ABCC2: variants seen among roughly 807,000 people sequenced by gnomAD.
ABCC2 encodes the protein ATP-binding cassette sub-family C member 2.
In ABCC2, 157 loss-of-function variants were observed where a neutral mutation model predicts 173.4. That is an observed-to-expected ratio of 0.91 (90% CI 0.80 to 1.03). ABCC2 has a LOEUF of 1.03. Among genes scored for constraint, ABCC2 ranks in the 50% least tolerant of loss-of-function variants. The pLI, the probability that ABCC2 is intolerant of heterozygous loss-of-function variation, is 0.00. For synonymous variants in ABCC2, 657 were observed against 693.5 expected, an observed-to-expected ratio of 0.95 and a Z score of 0.83; for missense variants, 1,822 against 1,852.3, an observed-to-expected ratio of 0.98 and a Z score of 0.30.
At position 99,832,059 on chromosome 10, in the gene ABCC2, C is replaced by G. The variant is rs763216683; in HGVS notation, c.3186C>G (p.Asn1062Lys). The change falls in exon 23 of 32, where the codon AAC becomes AAG. Residue 1062 changes from asparagine to lysine, a missense_variant. Coordinates refer to ENST00000647814, the MANE Select transcript of ABCC2 (RefSeq NM_000392.5). ...ASNILHKQLL[N>K]NILRAPMRFF... ...ATATCTTGCACAAGCAACTGCTGAA[C>G]AATATCCTTCGAGCACCTATGAGAT... 1 of 1,614,226 alleles carries G rather than the reference C, an allele frequency of 6.2e-7. No homozygotes were observed. The highest frequency in any genetic ancestry group is 8.5e-7 in the Non-Finnish European group (1 of 1,180,026).
Position 99,834,527 on chromosome 10 carries a change from TC to T in ABCC2, c.3407del (p.Ser1136LeufsTer13). On this transcript the variant is annotated frameshift_variant, in exon 24 of 32. Transcript: ENST00000647814. LOFTEE classifies it high-confidence loss of function. ...CATTCCTCTTGGCATTATTTATGTA[TC>T]TGTTCAGGTAGGTTTGGAAATGGCT... ...IVIPLGIIYV[S>X]VQMFYVSTSR... 1 of 1,614,192 alleles carries T rather than the reference TC, an allele frequency of 6.2e-7. No homozygotes were observed. The highest frequency in any genetic ancestry group is 8.5e-7 in the Non-Finnish European group (1 of 1,180,028).
intron 19 of ABCC2, among the ~76,000 whole-genome samples, chr10:99,824,048 G>A (rs2133093781): frequency 7.0e-6 from 1 of 143,502 alleles, no homozygotes; most frequent in Admixed American, 7.0e-5. Context: ...GTTGGAGTGG[G>A]GCTAAGGGAT....
At chr10:99,812,186 T>A (rs1197547289) in intron 15 of ABCC2, among the ~76,000 whole-genome samples, 1 of 152,178 alleles carries the variant, frequency 6.6e-6, no homozygotes, top group East Asian at 1.9e-4. Flanking sequence ...TTCCCACTCC[T>A]CTATCTTGTT....
At chr10:99,841,939 C>G (rs758774779) in intron 25 of ABCC2, 28 bp from the exon 26 acceptor site, 4 of 1,614,098 alleles carry the variant, frequency 2.5e-6, no homozygotes, top group Non-Finnish European at 3.4e-6. Context: ...ATCAGTGACA[C>G]GCACTCTCTG....
chr10:99,794,604 G>A (rs1477231893), intron 6 of ABCC2, 136 bp downstream of exon 6: 44 of 831,830 alleles, frequency 5.3e-5, no homozygotes, highest in South Asian at 4.3e-4. Context: ...GAGTGCAATG[G>A]TGTGATCTTG....
intron 2 of ABCC2, among the ~76,000 whole-genome samples, chr10:99,788,231 G>A (rs970081336): frequency 5.3e-5 from 8 of 152,038 alleles, no homozygotes; most frequent in African/African-American, 1.2e-4. Flanking sequence ...AAATGCTAGC[G>A]TCCCATATGT....
chr10:99,800,522 G>A lies in ABCC2; in HGVS notation c.1168G>A (p.Val390Ile), dbSNP rs1465495557. 1.9e-6 allele frequency: 3 copies of A among 1,614,180 alleles called. No individual in the cohort carries two copies. The highest frequency in any genetic ancestry group is 2.5e-6 in the Non-Finnish European group (3 of 1,180,036). The change falls in exon 9 of 32, where the codon GTA becomes ATA. Residue 390 changes from valine (V) to isoleucine (I), a missense_variant. Transcript: ENST00000647814. ...CYFQLCFKLGVKVRTAIMASV... is the reference protein window; with the variant it reads ...CYFQLCFKLGIKVRTAIMASV... ...TTTCCAACTGTGCTTCAAGCTGGGT[G>A]TAAAAGTACGGACAGCTATCATGGC... is the stretch of plus-strand genomic sequence containing the variant.
chr10:99,794,463 T>A lies in ABCC2; in HGVS notation c.627T>A (p.Tyr209Ter), dbSNP rs770512658. ...TGAGTAGCATTACCTACAGCTGGTA[T>A]GACAGGTAGGAAAGCCTGGAGTATG... Reference protein sequence around the residue: ...SFLSSITYSWYDSIILKGYKR... With the variant: ...SFLSSITYSW Residue 209 changes from tyrosine (Y) to a stop codon, truncating the protein, a stop_gained, in exon 6 of 32, where the codon TAT (tyrosine) becomes TAA (stop). Transcript: ENST00000647814. LOFTEE classifies it high-confidence loss of function. 5 of 1,613,320 alleles carry A rather than the reference T, an allele frequency of 3.1e-6. No homozygotes were observed. Among genetic ancestry groups the A allele is most frequent in the Non-Finnish European group, 4.2e-6 (5 of 1,179,258 alleles).
At chr10:99,801,743 T>C (rs977540202) in intron 9 of ABCC2, among the ~76,000 whole-genome samples, 13 of 152,346 alleles carry the variant, frequency 8.5e-5, no homozygotes, top group African/African-American at 3.1e-4. Flanking sequence ...TTTCTTCCTT[T>C]TTTTCTTCCA....
intron 14 of ABCC2, among the ~76,000 whole-genome samples, chr10:99,810,521 G>C (rs1310683883): frequency 1.3e-5 from 2 of 152,188 alleles, no homozygotes; most frequent in Non-Finnish European, 2.9e-5. Context: ...AGGTAGCCTG[G>C]AGTGAAAGAA....
In ABCC2 at chr10:99,835,809, G is replaced by A. The variant is rs577287038; in HGVS notation, c.3415-282G>A. Among the ~76,000 whole-genome samples, 3 of 152,258 alleles carry A rather than the reference G, an allele frequency of 2.0e-5. No individual in the cohort carries two copies. The South Asian group carries it at 6.2e-4, about 32-fold the overall frequency. On this transcript the variant is annotated intron_variant, in intron 24 of 31. Coordinates refer to ENST00000647814, the MANE Select transcript of ABCC2 (RefSeq NM_000392.5). ...TCTGGGGGATATGGGTTAGGCTGAC[G>A]GAACTCCTTAGGAGGTTTGGAGACT... is the stretch of plus-strand genomic sequence containing the variant.
chr10:99,808,501 T>G (rs1262780893), intron 13 of ABCC2, among the ~76,000 whole-genome samples: 1 of 152,160 alleles, frequency 6.6e-6, no homozygotes, highest in Admixed American at 6.5e-5. Context: ...GATTATTATG[T>G]TTAGTCCTAG....
chr10:99,830,372 G>A lies in ABCC2; in HGVS notation c.2686G>A (p.Glu896Lys), dbSNP rs377107178. Reference protein sequence around the residue: ...GLISSVEEIPEDAASITMRRE... With the variant: ...GLISSVEEIPKDAASITMRRE... ...GATATCCAGTGTGGAAGAGATCCCCGAAGATGCAGCCTCCATAACCATGAG... is the reference window on the plus strand; with the variant it reads ...GATATCCAGTGTGGAAGAGATCCCCAAAGATGCAGCCTCCATAACCATGAG... The change falls in exon 20 of 32, where the codon GAA (glutamate) becomes AAA (lysine). Residue 896 changes from glutamate (E) to lysine (K), a missense_variant. Transcript: ENST00000647814. The A allele has an allele frequency of 3.8e-5, 61 of 1,614,144 alleles. 1 individual carries two copies. In the Middle Eastern group the frequency reaches 4.9e-4, roughly 13 times the overall value.
Position 99,845,605 on chromosome 10 carries a change from A to G in ABCC2, c.3988-19A>G, listed in dbSNP as rs1317132003. ...AGAATTATTTGTGGAACTAATGTGT[A>G]AGGGAACTATATTCGCAGATTGGTG... On this transcript the variant is annotated intron_variant, in intron 28 of 31. Transcript: ENST00000647814. 2.5e-6 allele frequency: 4 copies of G among 1,613,878 alleles called. No individual in the cohort carries two copies. The highest frequency in any genetic ancestry group is 2.2e-5 in the South Asian group (2 of 91,088).
intron 14 of ABCC2, among the ~76,000 whole-genome samples, chr10:99,811,319 G>C (rs921117552): frequency 6.6e-6 from 1 of 150,380 alleles, no homozygotes; most frequent in African/African-American, 2.5e-5. Context: ...GACAAAGTGA[G>C]ACCATGACTC....
At chr10:99,845,869 C>G in intron 29 of ABCC2, 87 bp downstream of exon 29, 1 of 1,401,450 alleles carries the variant, frequency 7.1e-7, no homozygotes, top group Admixed American at 2.0e-5. Flanking sequence ...GATGTCTGTT[C>G]AGTCAGCACT....
At chr10:99,797,076 T>G in intron 6 of ABCC2, 21 bp from the exon 7 acceptor site, 3 of 1,611,418 alleles carry the variant, frequency 1.9e-6, no homozygotes, top group Non-Finnish European at 2.5e-6. Context: ...GGTCTCAGCC[T>G]GTGGTTCGCT....
chr10:99,836,131 A>G lies in ABCC2; in HGVS notation c.3455A>G (p.Asp1152Gly), dbSNP rs964875560. The G allele has an allele frequency of 6.2e-7, 1 of 1,613,986 alleles. No individual in the cohort carries two copies. The highest frequency in any genetic ancestry group is 2.2e-5 in the East Asian group (1 of 44,872). Residue 1152 changes from aspartate (D) to glycine (G), a missense_variant, in exon 25 of 32, where the codon GAC becomes GGC. Asp to Gly is a moderately conservative substitution (Grantham distance 94). Transcript: ENST00000647814. Reference protein sequence around the residue: ...VSTSRQLRRLDSVTRSPIYSH... With the variant: ...VSTSRQLRRLGSVTRSPIYSH... ...ACCTCCCGCCAGCTGAGGCGTCTGG[A>G]CTCTGTCACCAGGTCCCCAATCTAC...
intron 15 of ABCC2, 146 bp downstream of exon 15, chr10:99,811,748 G>C (rs2038219566): frequency 4.2e-6 from 4 of 955,754 alleles, no homozygotes; most frequent in Non-Finnish European, 6.5e-6. Context: ...AACCCCTGGA[G>C]AGATGAGCTG....
Sources: allele counts gnomAD v4.1 joint callset (sites outside exome capture counted in the v4.1 genomes callset), GRCh38; gene constraint gnomAD v4.1.1; transcripts MANE v1.5; gene names NCBI Gene and HGNC (gene_info 2026-07-23, HGNC 2026-07-21).